Variants in RIMS2 observed in about 807,000 individuals in gnomAD.
The protein encoded by RIMS2 is regulating synaptic membrane exocytosis protein 2.
A neutral mutation model predicts 174.4 loss-of-function variants in RIMS2; 59 were observed. The ratio of observed to expected loss-of-function variants is 0.34; its 90% CI spans 0.27 to 0.42. The LOEUF (loss-of-function observed/expected upper bound fraction) is 0.42, where lower values mean the gene tolerates loss of function less well. Among genes scored for constraint, RIMS2 ranks in the 10% least tolerant of loss-of-function variants. The pLI is 1.00. For missense variants in RIMS2, 1,620 were observed against 1,666.3 expected (o/e 0.97, Z 0.48); for synonymous variants, 606 against 572.5 (o/e 1.06, Z -0.84).
chr8:103,582,943 A>G (rs1421829818), intron 1 of RIMS2, among the ~76,000 whole-genome samples: 1 of 152,216 alleles, frequency 6.6e-6, no homozygotes, highest in Non-Finnish European at 1.5e-5. Flanking sequence ...TGAGCAAAAT[A>G]GGAAGTAACC....
intron 19 of RIMS2, among the ~76,000 whole-genome samples, chr8:104,094,266 A>C (rs554907403): frequency 6.6e-6 from 1 of 152,184 alleles, no homozygotes; most frequent in South Asian, 2.1e-4. Context: ...TAAAAGGAAA[A>C]TATGATTTAA....
chr8:103,704,974 T>C (rs1390857388), intron 2 of RIMS2, among the ~76,000 whole-genome samples: 1 of 151,902 alleles, frequency 6.6e-6, no homozygotes, highest in African/African-American at 2.4e-5. Flanking sequence ...TTTTTTATTA[T>C]ATTTTTTCTT....
chr8:103,603,579 TTC>T (rs1217406631), intron 1 of RIMS2, among the ~76,000 whole-genome samples: 2 of 152,128 alleles, frequency 1.3e-5, no homozygotes, highest in African/African-American at 4.8e-5. Context: ...CCACATTGAC[TTC>T]CACAATGGTT....
chr8:103,549,603 C>A (rs1376958582), intron 1 of RIMS2, among the ~76,000 whole-genome samples: 1 of 152,148 alleles, frequency 6.6e-6, no homozygotes, highest in East Asian at 1.9e-4. Context: ...ATGACAGGAT[C>A]AAATTCACAC....
chr8:103,955,230 A>G (rs553431106), intron 14 of RIMS2, among the ~76,000 whole-genome samples: 2 of 152,276 alleles, frequency 1.3e-5, no homozygotes, highest in South Asian at 4.2e-4. Context: ...AAAAGAGGGA[A>G]TCCTCCTTAA....
intron 1 of RIMS2, among the ~76,000 whole-genome samples, chr8:103,629,337 A>T (rs1328614791): frequency 1.3e-5 from 2 of 152,250 alleles, no homozygotes; most frequent in Non-Finnish European, 2.9e-5. Flanking sequence ...CATGAAGCTG[A>T]CCAAAATCAA....
At chr8:104,165,948 C>G (rs1586325431) in intron 19 of RIMS2, among the ~76,000 whole-genome samples, 2 of 151,898 alleles carry the variant, frequency 1.3e-5, no homozygotes, top group African/African-American at 4.8e-5. Flanking sequence ...TAGACCTACT[C>G]TCAGAAAGCT....
chr8:104,249,838 C>A (rs1435820803), intron 22 of RIMS2, among the ~76,000 whole-genome samples: 3 of 152,108 alleles, frequency 2.0e-5, no homozygotes. Context: ...AAAATAAAAA[C>A]CACCCCACTT....
chr8:103,590,088 ATTGT>A lies in RIMS2; in HGVS notation c.176+89031_176+89034del, dbSNP rs771958820. Among the ~76,000 whole-genome samples the A allele has an allele frequency of 1.7e-3, 252 of 151,564 alleles. 1 individual carries two copies. The highest frequency in any genetic ancestry group is 1.8e-3 in the Non-Finnish European group (122 of 67,468). ...TTGAAATAACTTAGAGGGTAATTGG[ATTGT>A]TTGTAACTCAAAGAATAAATGCTTG... On this transcript the variant is annotated intron_variant, in intron 1 of 23. Coordinates refer to ENST00000504942, the Ensembl canonical transcript of RIMS2.
chr8:103,507,188 C>G (rs1318656100), intron 1 of RIMS2, among the ~76,000 whole-genome samples: 1 of 152,108 alleles, frequency 6.6e-6, no homozygotes, highest in Non-Finnish European at 1.5e-5. Context: ...TCTCATCCTT[C>G]TGGCTTAGCT....
intron 19 of RIMS2, among the ~76,000 whole-genome samples, chr8:104,023,657 C>T (rs757606919): frequency 2.6e-5 from 4 of 152,100 alleles, no homozygotes; most frequent in African/African-American, 4.8e-5. Flanking sequence ...TGCTGTTAGA[C>T]ATCCAAGTGA....
At chr8:104,248,890 C>A in intron 21 of RIMS2, 77 bp downstream of exon 27, 2 of 598,008 alleles carry the variant, frequency 3.3e-6, no homozygotes, top group Non-Finnish European at 5.9e-6. Flanking sequence ...TTCATAGAAT[C>A]TTCTCTCTCT....
intron 14 of RIMS2, among the ~76,000 whole-genome samples, chr8:103,949,613 C>T (rs2023028): frequency 0.2 from 30,923 of 151,966 alleles, 3,467 homozygotes; most frequent in Non-Finnish European, 0.24. Context: ...CCTAATGTAT[C>T]GATATTCATG....
chr8:103,795,746 T>C (rs2098545376), intron 3 of RIMS2, among the ~76,000 whole-genome samples: 1 of 152,162 alleles, frequency 6.6e-6, no homozygotes, highest in South Asian at 2.1e-4. Context: ...CATTTGAGAT[T>C]GTAGAAAACA....
intron 19 of RIMS2, among the ~76,000 whole-genome samples, chr8:104,238,664 C>T (rs2099271586): frequency 6.6e-6 from 1 of 152,110 alleles, no homozygotes. Context: ...AAACTAGCCA[C>T]TCAGGACCTC....
rs866098396 is a variant in RIMS2, at chr8:103,890,751, T to A, written c.1624+4528T>A. ...AAGTCTTAGATTGCTAATGTCATAG[T>A]ATTTCTGAATTTAAATATTTTGAAC... On this transcript the variant is annotated intron_variant, in intron 4 of 23. Coordinates refer to ENST00000504942, the Ensembl canonical transcript of RIMS2. Among the ~76,000 whole-genome samples the A allele has an allele frequency of 4.6e-5, 7 of 152,160 alleles. No individual in the cohort carries two copies. In the Middle Eastern group the frequency reaches 0.017, roughly 370 times the overall value.
chr8:103,711,897 AAT>A (rs35477375), intron 2 of RIMS2, among the ~76,000 whole-genome samples: 6 of 149,238 alleles, frequency 4.0e-5, no homozygotes, highest in African/African-American at 7.4e-5. Context: ...CCCCATCTGA[AAT>A]ATATATATAT....
At chr8:103,597,628 T>C (rs989114567) in intron 1 of RIMS2, among the ~76,000 whole-genome samples, 3 of 150,696 alleles carry the variant, frequency 2.0e-5, no homozygotes, top group Non-Finnish European at 4.4e-5. Flanking sequence ...TTGAACTCTT[T>C]TATATATAGA....
At chr8:103,622,403 A>G (rs929116318) in intron 1 of RIMS2, among the ~76,000 whole-genome samples, 5 of 152,184 alleles carry the variant, frequency 3.3e-5, no homozygotes, top group Admixed American at 6.5e-5. Context: ...AAAAAGACAA[A>G]CACAAAACAC....
Sources: gnomAD v4.1 joint callset for allele counts (sites outside exome capture counted in the v4.1 genomes callset) on GRCh38, gnomAD v4.1.1 for gene constraint, MANE v1.5 for transcripts, NCBI Gene and HGNC (gene_info 2026-07-23, HGNC 2026-07-21) for gene names.